The following TENM3 variants were observed in gnomAD, a reference collection of about 807,000 sequenced individuals.
TENM3 encodes the protein teneurin transmembrane protein 3, also known as teneurin-3.
Under a neutral mutation model 255.1 loss-of-function variants are expected in TENM3, and 63 were observed. That is an observed-to-expected ratio of 0.25 (90% CI 0.20 to 0.30). The LOEUF (loss-of-function observed/expected upper bound fraction) is 0.30, where lower values mean the gene tolerates loss of function less well. Ranked by LOEUF, TENM3 falls within the 10% of genes least tolerant of loss-of-function variation. The pLI is 1.00. For synonymous variants in TENM3, 1,306 were observed against 1,322.3 expected (o/e 0.99, Z 0.27); for missense variants, 2,929 against 3,461.1 (o/e 0.85, Z 3.86).
At chr4:182,575,357 A>T (rs1274985850) in intron 3 of TENM3, among the ~76,000 whole-genome samples, 10 of 152,172 alleles carry the variant, frequency 6.6e-5, no homozygotes, top group Admixed American at 2.0e-4. Context: ...CCAGATAGTA[A>T]ATATTTTAGG....
At chr4:181,977,724 G>C in the TENM3 span, among the ~76,000 whole-genome samples, 44 of 152,134 alleles carry the variant, frequency 2.9e-4, no homozygotes, top group Admixed American at 9.8e-4. Context: ...GGTATTTTAG[G>C]GGGAACTAAG....
the TENM3 span, among the ~76,000 whole-genome samples, chr4:181,805,556 C>T: frequency 5.3e-5 from 8 of 151,746 alleles, no homozygotes; most frequent in Non-Finnish European, 1.0e-4. Context: ...ATGTTCTCAA[C>T]GTTCAACTGA....
intron 1 of TENM3, among the ~76,000 whole-genome samples, chr4:182,176,821 A>AATTTTTTTTTTTTTTTT (rs1561169609): frequency 3.5e-5 from 4 of 113,356 alleles, no homozygotes; most frequent in Non-Finnish European, 3.6e-5. Flanking sequence ...CATCCGGCTA[A>AATTTTTTTTTTTTTTTT]TTTTTTTTTT....
At chr4:182,294,148 T>C (rs1761310003) in intron 1 of TENM3, among the ~76,000 whole-genome samples, 4 of 152,026 alleles carry the variant, frequency 2.6e-5, no homozygotes, top group African/African-American at 9.7e-5. Flanking sequence ...AAAAAAAATG[T>C]CATCGCTTAA....
chr4:182,042,119 C>A, the TENM3 span, among the ~76,000 whole-genome samples: 149 of 152,034 alleles, frequency 9.8e-4, no homozygotes, highest in Non-Finnish European at 1.6e-3. Flanking sequence ...CGTGCTTTCC[C>A]CAGTTTGGAA....
At chr4:182,778,620 C>G (rs568794441) in intron 24 of TENM3, among the ~76,000 whole-genome samples, 1 of 152,194 alleles carries the variant, frequency 6.6e-6, no homozygotes, top group African/African-American at 2.4e-5. Context: ...TGGTATCACT[C>G]CCTGGGAAAA....
chr4:181,655,614 A>G, the TENM3 span, among the ~76,000 whole-genome samples: 1 of 152,224 alleles, frequency 6.6e-6, no homozygotes, highest in Non-Finnish European at 1.5e-5. Flanking sequence ...TGTATGGCAG[A>G]GGCCCCTTTC....
chr4:181,939,561 A>T, the TENM3 span, among the ~76,000 whole-genome samples: 217 of 152,342 alleles, frequency 1.4e-3, no homozygotes, highest in African/African-American at 5.0e-3. Context: ...TGTGCCCTAA[A>T]AGCAAAACAA....
At chr4:181,829,540 G>C in the TENM3 span, among the ~76,000 whole-genome samples, 1 of 152,032 alleles carries the variant, frequency 6.6e-6, no homozygotes, top group Non-Finnish European at 1.5e-5. Context: ...TTAGGAGAAC[G>C]AACTCACTCT....
the TENM3 span, among the ~76,000 whole-genome samples, chr4:182,104,691 T>G: frequency 6.6e-6 from 1 of 151,926 alleles, no homozygotes; most frequent in African/African-American, 2.4e-5. Flanking sequence ...TTTTTGTATT[T>G]TTAGTAGAGA....
At chr4:182,055,059 A>C in the TENM3 span, among the ~76,000 whole-genome samples, 3 of 152,144 alleles carry the variant, frequency 2.0e-5, no homozygotes, top group Admixed American at 2.0e-4. Flanking sequence ...GTCTCTATGG[A>C]TGCTCAACCA....
the TENM3 span, among the ~76,000 whole-genome samples, chr4:182,005,321 G>A: frequency 6.6e-6 from 1 of 152,034 alleles, no homozygotes; most frequent in South Asian, 2.1e-4. Flanking sequence ...TTTACTGAAT[G>A]GGAGATCCTT....
the TENM3 span, among the ~76,000 whole-genome samples, chr4:181,922,696 C>T: frequency 6.6e-6 from 1 of 151,680 alleles, no homozygotes; most frequent in African/African-American, 2.4e-5. Flanking sequence ...CTCCTGGATT[C>T]ATTAATTTTT....
the TENM3 span, among the ~76,000 whole-genome samples, chr4:181,924,236 C>G: frequency 6.6e-6 from 1 of 152,168 alleles, no homozygotes; most frequent in African/African-American, 2.4e-5. Flanking sequence ...CATCTCGTCC[C>G]TCCACATCAC....
At chr4:181,990,990 C>T in the TENM3 span, among the ~76,000 whole-genome samples, 24,760 of 151,840 alleles carry the variant, frequency 0.16, 2,206 homozygotes, top group Non-Finnish European at 0.19. Context: ...AGAAAAAAAC[C>T]AAAAGGATAT....
At chr4:182,045,863 T>C in the TENM3 span, among the ~76,000 whole-genome samples, 1 of 152,128 alleles carries the variant, frequency 6.6e-6, no homozygotes, top group Non-Finnish European at 1.5e-5. Context: ...ATCCGGGTTA[T>C]AGAGTGAAAC....
the TENM3 span, among the ~76,000 whole-genome samples, chr4:181,528,726 G>A: frequency 6.6e-6 from 1 of 152,202 alleles, no homozygotes; most frequent in East Asian, 1.9e-4. Context: ...ATCCCAGAAA[G>A]CCTGGCTGCA....
the TENM3 span, among the ~76,000 whole-genome samples, chr4:181,649,497 A>G: frequency 6.6e-6 from 1 of 152,214 alleles, no homozygotes; most frequent in Non-Finnish European, 1.5e-5. Context: ...ACAAATTTGT[A>G]TCGATATTTG....
Position 182,537,627 on chromosome 4 carries a change from C to G in TENM3, c.512-63297C>G, listed in dbSNP as rs376732103. Among the ~76,000 whole-genome samples the G allele has an allele frequency of 4.6e-5, 7 of 152,158 alleles. No homozygotes were observed. In the East Asian group the frequency reaches 1.2e-3, roughly 25 times the overall value. ...TCCTTCCTTCTCACCATGAAAACGT[C>G]TTCTGCCCTTTTTCAAAAGTTTTCT... On this transcript the variant is annotated intron_variant, in intron 3 of 27. Transcript: ENST00000511685.
Sources: gnomAD v4.1 joint callset for allele counts (sites outside exome capture counted in the v4.1 genomes callset) on GRCh38, gnomAD v4.1.1 for gene constraint, MANE v1.5 for transcripts, NCBI Gene and HGNC (gene_info 2026-07-23, HGNC 2026-07-21) for gene names.